INO80B: variants seen among roughly 807,000 people sequenced by gnomAD.
The protein encoded by INO80B is IES2 homolog.
INO80B carries 18 observed loss-of-function variants against 31.4 expected under a neutral mutation model. The observed-to-expected ratio is 0.57, with a 90% CI of 0.40 to 0.85. The LOEUF is 0.85. Ranked by LOEUF, INO80B falls within the 40% of genes least tolerant of loss-of-function variation. The pLI is 0.00. For synonymous variants in INO80B, 238 were observed against 199.0 expected, an observed-to-expected ratio of 1.20 and a Z score of -1.65; for missense variants, 469 against 475.4, an observed-to-expected ratio of 0.99 and a Z score of 0.13.
At chr2:74,456,874 A>G (rs1363088148) in intron 4 of INO80B, among the ~76,000 whole-genome samples, 2 of 152,236 alleles carry the variant, frequency 1.3e-5, no homozygotes, top group Non-Finnish European at 2.9e-5. Flanking sequence ...GAGATGGAGA[A>G]AATCAGATGA....
intron 2 of INO80B, 74 bp from the exon 3 acceptor site, chr2:74,455,743 GA>G: frequency 7.1e-7 from 1 of 1,403,758 alleles, no homozygotes. Context: ...AGAGGGTGGG[GA>G]AAGTTGGGTG....
chr2:74,456,675 G>C (rs905669782), intron 4 of INO80B, among the ~76,000 whole-genome samples: 1 of 152,176 alleles, frequency 6.6e-6, no homozygotes, highest in Non-Finnish European at 1.5e-5. Context: ...AGAAAAAGTG[G>C]ACAAGCCACT....
At position 74,455,193 on chromosome 2, in the gene INO80B, A is replaced by G. The variant is rs2103958179; in HGVS notation, c.58+19A>G. 1 of 1,613,866 alleles carries G rather than the reference A, an allele frequency of 6.2e-7. No individual in the cohort carries two copies. The highest frequency in any genetic ancestry group is 2.2e-5 in the East Asian group (1 of 44,878). ...GAGCCGGGTAAGCGCGAATAGATCA[A>G]GCAATTTAGGTCGTGTTAGAAAAGA... On this transcript the variant is annotated intron_variant, in intron 1 of 4. Transcript: ENST00000233331.
At position 74,457,554 on chromosome 2, in the gene INO80B, G is replaced by C; in HGVS notation, c.761G>C (p.Arg254Pro). ...GCGGCGACCAGTGGGCGGGGAGGCCGGGGGGGCGCACGGGGCGAGCGGCGG... is the reference window on the plus strand; with the variant it reads ...GCGGCGACCAGTGGGCGGGGAGGCCCGGGGGGCGCACGGGGCGAGCGGCGG... ...KTAATSGRGG[R>P]GGARGERRGG... Residue 254 changes from arginine (R) to proline (P), a missense_variant, in exon 5 of 5, where the codon CGG (arginine) becomes CCG (proline). By Grantham distance (103) the Arg-to-Pro change is moderately radical. This residue lies in a region of INO80B where 201 missense variants were observed against 151.7 expected (regional missense o/e 1.32). Coordinates refer to ENST00000233331, the MANE Select transcript of INO80B (RefSeq NM_031288.4). 1 of 1,513,782 alleles carries C rather than the reference G, an allele frequency of 6.6e-7. No homozygotes were observed. The highest frequency in any genetic ancestry group is 8.8e-7 in the Non-Finnish European group (1 of 1,134,640). The allele number at this position is 1,513,782 out of a possible 1,614,324, so 93.8% of individuals were successfully genotyped here. A position where few individuals can be genotyped will look rare whatever the true frequency, so the allele number is the denominator to read the frequency against.
chr2:74,455,210 T>C, intron 1 of INO80B, 36 bp downstream of exon 1: 2 of 1,611,460 alleles, frequency 1.2e-6, no homozygotes, highest in Non-Finnish European at 1.7e-6. Flanking sequence ...TAGGTCGTGT[T>C]AGAAAAGAAG....
intron 2 of INO80B, 95 bp downstream of exon 2, chr2:74,455,693 A>G (rs950604550): frequency 7.0e-6 from 10 of 1,420,324 alleles, no homozygotes; most frequent in Non-Finnish European, 9.7e-6. Flanking sequence ...CCGAATGGAC[A>G]CTGTGACTTC....
rs1295830573 is a variant in INO80B, at chr2:74,457,476, C to T, written c.683C>T (p.Ala228Val). 6.4e-7 allele frequency: 1 copy of T among 1,554,652 alleles called. No individual in the cohort carries two copies. The highest frequency in any genetic ancestry group is 1.9e-5 in the Admixed American group (1 of 51,704). The change falls in exon 5 of 5, where the codon GCG becomes GTG. Residue 228 changes from alanine to valine, a missense_variant. Transcript: ENST00000233331. ...ERARKRRLQA[A>V]RRAEEHKNQT... ...GCGCGGAAGCGGCGGCTCCAGGCGGCGCGGCGGGCAGAAGAGCACAAGAAC... is the reference window on the plus strand; with the variant it reads ...GCGCGGAAGCGGCGGCTCCAGGCGGTGCGGCGGGCAGAAGAGCACAAGAAC...
Position 74,457,813 on chromosome 2 carries a change from G to A in INO80B, c.1020G>A (p.Gln340=). ...TTCAGTGCTACCGCATCAACCTGCA[G>A]ATGCGGCTGGGGGGGCCCGAGGGTC... ...CSLQCYRINL[Q]MRLGGPEGPG... is the part of the protein sequence containing the mutation. The change falls in exon 5 of 5, where the codon CAG becomes CAA. Residue 340 remains glutamine (Q), a synonymous_variant. Coordinates refer to ENST00000233331, the MANE Select transcript of INO80B (RefSeq NM_031288.4). The A allele has an allele frequency of 1.9e-6, 3 of 1,590,108 alleles. No homozygotes were observed. Among genetic ancestry groups the A allele is most frequent in the Non-Finnish European group, 2.6e-6 (3 of 1,175,924 alleles).
At chr2:74,455,662 C>T in intron 2 of INO80B, 64 bp downstream of exon 2, 1 of 1,516,924 alleles carries the variant, frequency 6.6e-7, no homozygotes, top group Non-Finnish European at 8.9e-7. Flanking sequence ...TAGTTAGAAG[C>T]CGACTGGGCT....
chr2:74,457,396 G>A lies in INO80B; in HGVS notation c.603G>A (p.Glu201=). 6.2e-7 allele frequency: 1 copy of A among 1,607,020 alleles called. No individual in the cohort carries two copies. The highest frequency in any genetic ancestry group is 8.5e-7 in the Non-Finnish European group (1 of 1,177,156). ...PSPMLPLPVA[E]GCPPPALTEE... is the part of the protein sequence containing the mutation. ...CTATGCTGCCGCTGCCTGTAGCTGA[G>A]GGCTGCCCACCTCCCGCCCTCACAG... is the stretch of plus-strand genomic sequence containing the variant. The change falls in exon 5 of 5, where the codon GAG becomes GAA. Residue 201 remains glutamate, a synonymous_variant. Coordinates refer to ENST00000233331, the MANE Select transcript of INO80B (RefSeq NM_031288.4).
Position 74,457,490 on chromosome 2 carries a change from G to A in INO80B, c.697G>A (p.Glu233Lys). 1.3e-6 allele frequency: 2 copies of A among 1,550,936 alleles called. No homozygotes were observed. The highest frequency in any genetic ancestry group is 1.7e-6 in the Non-Finnish European group (2 of 1,148,052). Residue 233 changes from glutamate (E) to lysine (K), a missense_variant, in exon 5 of 5, where the codon GAG (glutamate) becomes AAG (lysine). Around this residue, in one of 3 missense-constraint regions of INO80B, gnomAD observed 45 missense variants for 70.3 expected, o/e 0.64. Coordinates refer to ENST00000233331, the MANE Select transcript of INO80B (RefSeq NM_031288.4). The stretch of plus-strand genomic sequence containing the variant: ...GCTCCAGGCGGCGCGGCGGGCAGAA[G>A]AGCACAAGAACCAGACTATCGAGCG... ...RRLQAARRAEEHKNQTIERLT... is the reference protein window; with the variant it reads ...RRLQAARRAEKHKNQTIERLT...
intron 2 of INO80B, 53 bp from the exon 3 acceptor site, chr2:74,455,765 G>A (rs948756646): frequency 4.2e-6 from 6 of 1,437,716 alleles, no homozygotes; most frequent in Admixed American, 1.7e-5. Context: ...TAGCTACGGA[G>A]TAGGAGGAGG....
At position 74,456,095 on chromosome 2, in the gene INO80B, C is replaced by T; in HGVS notation, c.371-8C>T. On this transcript the variant is annotated splice_region_variant and splice_polypyrimidine_tract_variant and intron_variant, in intron 3 of 4. Coordinates refer to ENST00000233331, the MANE Select transcript of INO80B (RefSeq NM_031288.4). ...ATTCTGTTTTTCTTTCTCCAACTTC[C>T]TTCCCAGATGAAGACAGTAATCTCT... 2 of 1,579,854 alleles carry T rather than the reference C, an allele frequency of 1.3e-6. No individual in the cohort carries two copies. Among genetic ancestry groups the T allele is most frequent in the Non-Finnish European group, 1.7e-6 (2 of 1,163,046 alleles).
chr2:74,455,982 C>T, intron 3 of INO80B, 46 bp downstream of exon 3: 1 of 1,554,712 alleles, frequency 6.4e-7, no homozygotes, highest in Non-Finnish European at 8.9e-7. Context: ...TTATACCCGC[C>T]TAAAGAAAGA....
Position 74,455,409 on chromosome 2 carries a change from A to G in INO80B, c.62A>G (p.Glu21Gly). The G allele has an allele frequency of 6.2e-7, 1 of 1,614,162 alleles. No individual in the cohort carries two copies. The highest frequency in any genetic ancestry group is 2.2e-5 in the East Asian group (1 of 44,882). Residue 21 changes from glutamate to glycine, a missense_variant, in exon 2 of 5, where the codon GAA becomes GGA. This residue lies in a region of INO80B where 223 missense variants were observed against 253.4 expected (regional missense o/e 0.88). Coordinates refer to ENST00000233331, the MANE Select transcript of INO80B (RefSeq NM_031288.4). ...TCGACAGGCTTTCCTTCCACAGGAG[A>G]AGCCCTGGAGTTGAGCCTGGCGGGT... ...SGAMEAPEPG[E>G]ALELSLAGAH...
rs928913937 is a variant in INO80B at position 74,457,763 on chromosome 2, C to T, written c.970C>T (p.Arg324Cys). ...CCATCCGCGCCGCTACGCTTGCTCC[C>T]GCACAGGCCAGGCACTCTGTAGTCT... ...CPHPRRYACS[R>C]TGQALCSLQC... The change falls in exon 5 of 5, where the codon CGC becomes TGC. Residue 324 changes from arginine (R) to cysteine (C), a missense_variant. Physicochemically the swap from Arg to Cys is radical, Grantham distance 180 (BLOSUM62 -3). This residue lies in a region of INO80B where 201 missense variants were observed against 151.7 expected (regional missense o/e 1.32). Transcript: ENST00000233331. 1.9e-6 allele frequency: 3 copies of T among 1,599,794 alleles called. No homozygotes were observed. Among genetic ancestry groups the T allele is most frequent in the Non-Finnish European group, 2.5e-6 (3 of 1,179,706 alleles).
rs1270271423 is a variant in INO80B, at chr2:74,455,461, A to G, written c.114A>G (p.Lys38=). 2 of 1,614,150 alleles carry G rather than the reference A, an allele frequency of 1.2e-6. No homozygotes were observed. Among genetic ancestry groups the G allele is most frequent in the African/African-American group, 1.3e-5 (1 of 75,038 alleles). ...AGAHGHGVHK[K]KHKKHKKKHK... is the part of the protein sequence containing the mutation. ...CCCATGGCCATGGAGTGCACAAGAA[A>G]AAACACAAGAAGCACAAGAAGAAAC... is the stretch of plus-strand genomic sequence containing the variant. Residue 38 remains lysine (K), a synonymous_variant, in exon 2 of 5, where the codon AAA becomes AAG. Coordinates refer to ENST00000233331, the MANE Select transcript of INO80B (RefSeq NM_031288.4).
Position 74,457,498 on chromosome 2 carries a change from G to A in INO80B, c.705G>A (p.Lys235=), listed in dbSNP as rs1238169569. Residue 235 remains lysine, a synonymous_variant, in exon 5 of 5, where the codon AAG becomes AAA. Transcript: ENST00000233331. ...LQAARRAEEH[K]NQTIERLTKT... is the part of the protein sequence containing the mutation. ...CGGCGCGGCGGGCAGAAGAGCACAA[G>A]AACCAGACTATCGAGCGCCTCACCA... 1.7e-5 allele frequency: 27 copies of A among 1,547,880 alleles called. No individual in the cohort carries two copies. The highest frequency in any genetic ancestry group is 1.7e-4 in the Middle Eastern group (1 of 5,980).
chr2:74,455,414 C>T lies in INO80B; in HGVS notation c.67C>T (p.Leu23=). The change falls in exon 2 of 5, where the codon CTG becomes TTG. Residue 23 remains leucine, a synonymous_variant. Transcript: ENST00000233331. The part of the protein sequence containing the change: ...AMEAPEPGEA[L]ELSLAGAHGH... Reference sequence around the variant, plus strand: ...AGGCTTTCCTTCCACAGGAGAAGCCCTGGAGTTGAGCCTGGCGGGTGCCCA... The same window carrying T: ...AGGCTTTCCTTCCACAGGAGAAGCCTTGGAGTTGAGCCTGGCGGGTGCCCA... 1 of 1,614,164 alleles carries T rather than the reference C, an allele frequency of 6.2e-7. No individual in the cohort carries two copies. The highest frequency in any genetic ancestry group is 8.5e-7 in the Non-Finnish European group (1 of 1,180,036).
Sources: gnomAD v4.1 joint callset for allele counts (sites outside exome capture counted in the v4.1 genomes callset) on GRCh38, gnomAD v4.1.1 for gene constraint, gnomAD v4.1.1 regional missense constraint, MANE v1.5 for transcripts, NCBI Gene and HGNC (gene_info 2026-07-23, HGNC 2026-07-21) for gene names.